Variants in RSPO2 observed in about 807,000 individuals in gnomAD.
RSPO2 encodes R-spondin-2.
A neutral mutation model predicts 30.9 loss-of-function variants in RSPO2; 14 were observed. The ratio of observed to expected loss-of-function variants is 0.45; its 90% CI spans 0.30 to 0.71. RSPO2 has a LOEUF of 0.71. Ranked by LOEUF, RSPO2 falls within the 30% of genes least tolerant of loss-of-function variation. RSPO2 has a pLI of 0.08. For missense variants in RSPO2, 264 were observed against 301.9 expected (o/e 0.87, Z 0.93); for synonymous variants, 107 against 96.4 (o/e 1.11, Z -0.64).
chr8:107,992,336 T>A (rs938975945), intron 2 of RSPO2, among the ~76,000 whole-genome samples: 3 of 152,114 alleles, frequency 2.0e-5, no homozygotes, highest in Non-Finnish European at 4.4e-5. Flanking sequence ...TTTTCACTTA[T>A]AAGTGGGAGC....
At chr8:108,068,965 T>G (rs933282123) in intron 2 of RSPO2, among the ~76,000 whole-genome samples, 3 of 152,246 alleles carry the variant, frequency 2.0e-5, no homozygotes, top group African/African-American at 7.2e-5. Flanking sequence ...AAATTAATAC[T>G]GTATAATAAT....
chr8:108,009,763 G>A (rs961408860), intron 2 of RSPO2, among the ~76,000 whole-genome samples: 1 of 152,036 alleles, frequency 6.6e-6, no homozygotes, highest in African/African-American at 2.4e-5. Context: ...ATAAGACACT[G>A]AATAGGCTGG....
intron 2 of RSPO2, among the ~76,000 whole-genome samples, chr8:108,002,573 T>C (rs532444643): frequency 6.6e-6 from 1 of 152,310 alleles, no homozygotes; most frequent in Non-Finnish European, 1.5e-5. Context: ...TATTCAATTA[T>C]CCCTCATATA....
At chr8:108,065,375 A>G (rs1812634036) in intron 2 of RSPO2, among the ~76,000 whole-genome samples, 2 of 152,002 alleles carry the variant, frequency 1.3e-5, no homozygotes, top group African/African-American at 4.8e-5. Context: ...TACTCCAGCA[A>G]GAGTTTTACG....
chr8:107,975,479 G>T (rs1814173239), intron 3 of RSPO2, among the ~76,000 whole-genome samples: 1 of 152,132 alleles, frequency 6.6e-6, no homozygotes, highest in African/African-American at 2.4e-5. Context: ...CTTGCCTCTG[G>T]TAGTCATGTA....
intron 2 of RSPO2, among the ~76,000 whole-genome samples, chr8:108,048,013 A>C (rs1811959500): frequency 6.6e-6 from 1 of 152,142 alleles, no homozygotes; most frequent in African/African-American, 2.4e-5. Context: ...GATAATTAAC[A>C]GAACTTTTTG....
chr8:107,989,997 C>T (rs1452591694), intron 2 of RSPO2, among the ~76,000 whole-genome samples: 6 of 151,970 alleles, frequency 3.9e-5, no homozygotes, highest in African/African-American at 1.5e-4. Context: ...AAACTTCACA[C>T]CTAAAAAACC....
intron 2 of RSPO2, among the ~76,000 whole-genome samples, chr8:108,048,907 T>C (rs1811989332): frequency 6.6e-6 from 1 of 152,224 alleles, no homozygotes; most frequent in Non-Finnish European, 1.5e-5. Flanking sequence ...TCTTTATTTC[T>C]GCCTTCATTT....
intron 2 of RSPO2, among the ~76,000 whole-genome samples, chr8:108,007,221 T>C (rs1434196838): frequency 1.3e-5 from 2 of 152,200 alleles, no homozygotes; most frequent in Non-Finnish European, 2.9e-5. Context: ...ACTGAGATTT[T>C]TAGACTCCAG....
chr8:108,021,934 A>C (rs778230818), intron 2 of RSPO2, among the ~76,000 whole-genome samples: 2 of 152,144 alleles, frequency 1.3e-5, no homozygotes, highest in Non-Finnish European at 2.9e-5. Context: ...CCAGAACTTA[A>C]AATATAAAAA....
intron 2 of RSPO2, among the ~76,000 whole-genome samples, chr8:108,013,825 G>A (rs867736026): frequency 1.7e-4 from 26 of 151,990 alleles, no homozygotes; most frequent in African/African-American, 4.8e-4. Context: ...CAAAAACAAC[G>A]GCAACAAAAG....
intron 2 of RSPO2, among the ~76,000 whole-genome samples, chr8:107,999,586 C>G (rs1815158245): frequency 6.6e-6 from 1 of 152,076 alleles, no homozygotes. Flanking sequence ...AGGCTTGTGC[C>G]ACCACACCCA....
At chr8:107,997,451 C>T (rs1031699892) in intron 2 of RSPO2, among the ~76,000 whole-genome samples, 1 of 152,110 alleles carries the variant, frequency 6.6e-6, no homozygotes, top group Admixed American at 6.6e-5. Flanking sequence ...GATCCAGAGC[C>T]TTATCATTCC....
chr8:107,948,755 G>A (rs962674169), intron 5 of RSPO2, among the ~76,000 whole-genome samples: 1 of 151,936 alleles, frequency 6.6e-6, no homozygotes, highest in Non-Finnish European at 1.5e-5. Flanking sequence ...AGCTACTCAG[G>A]AGGCTGAGGC....
chr8:108,013,504 T>C (rs1810771907), intron 2 of RSPO2, among the ~76,000 whole-genome samples: 2 of 152,146 alleles, frequency 1.3e-5, no homozygotes, highest in African/African-American at 4.8e-5. Context: ...AAAACAGATA[T>C]ATAGGCCAAA....
chr8:107,945,717 C>A (rs1813040085), intron 5 of RSPO2, among the ~76,000 whole-genome samples: 1 of 152,032 alleles, frequency 6.6e-6, no homozygotes, highest in African/African-American at 2.4e-5. Context: ...TTCATTTATT[C>A]AATTGTCCCA....
chr8:107,984,055 AG>A lies in RSPO2; in HGVS notation c.283+5000del, dbSNP rs1814542647. 7.3e-6 allele frequency: 4 copies of A among 548,566 alleles called. No individual in the cohort carries two copies. The African/African-American group carries it at 7.8e-5, about 11-fold the overall frequency. 34.0% of individuals were successfully genotyped at this position (548,566 alleles called of 1,614,324 possible). On this transcript the variant is annotated intron_variant, in intron 3 of 5. Transcript: ENST00000276659. ...AAAAGAAAAGGGAAAACCACATAGA[AG>A]GGTCATCCCGGAAATGCTTCATCTG...
chr8:107,983,974 T>C, intron 3 of RSPO2: 1 of 826,408 alleles, frequency 1.2e-6, no homozygotes, highest in Admixed American at 2.4e-5. Context: ...ATAATTGAAA[T>C]AGAAGGCCAC....
At chr8:108,003,243 ATG>A (rs1563558802) in intron 2 of RSPO2, among the ~76,000 whole-genome samples, 1 of 54,398 alleles carries the variant, frequency 1.8e-5, no homozygotes, top group African/African-American at 1.1e-4. Flanking sequence ...GTATATATGT[ATG>A]TATGTATGTG....
Sources: allele counts gnomAD v4.1 joint callset (sites outside exome capture counted in the v4.1 genomes callset), GRCh38; gene constraint gnomAD v4.1.1; transcripts MANE v1.5; gene names NCBI Gene and HGNC (gene_info 2026-07-23, HGNC 2026-07-21).